MMP16: variants seen among roughly 807,000 people sequenced by gnomAD.
The protein encoded by MMP16 is matrix metalloproteinase-16.
In MMP16, 12 loss-of-function variants were observed where a neutral mutation model predicts 67.8. The ratio of observed to expected loss-of-function variants is 0.18; its 90% CI spans 0.11 to 0.29. MMP16 has a LOEUF of 0.29. Ranked by LOEUF, MMP16 falls within the 10% of genes least tolerant of loss-of-function variation. The pLI, the probability that MMP16 is intolerant of heterozygous loss-of-function variation, is 1.00. For missense variants in MMP16, 475 were observed against 765.7 expected (o/e 0.62, Z 4.48); for synonymous variants, 249 against 255.9 (o/e 0.97, Z 0.26).
At chr8:88,075,473 T>G (rs1267947811) in intron 6 of MMP16, among the ~76,000 whole-genome samples, 1 of 151,826 alleles carries the variant, frequency 6.6e-6, no homozygotes, top group Non-Finnish European at 1.5e-5. Context: ...TAAAGTTGTT[T>G]AATTAATAAT....
At chr8:88,310,682 G>C (rs1408730487) in intron 1 of MMP16, among the ~76,000 whole-genome samples, 1 of 152,164 alleles carries the variant, frequency 6.6e-6, no homozygotes, top group East Asian at 1.9e-4. Context: ...GTGAGAGACA[G>C]CTGTGAATCT....
At chr8:88,304,861 C>T (rs1338513637) in intron 1 of MMP16, among the ~76,000 whole-genome samples, 2 of 152,138 alleles carry the variant, frequency 1.3e-5, no homozygotes. Context: ...GTATATAGAC[C>T]AGTGACACTA....
chr8:88,148,274 T>C (rs774709992), intron 4 of MMP16, among the ~76,000 whole-genome samples: 21 of 152,214 alleles, frequency 1.4e-4, no homozygotes, highest in Non-Finnish European at 2.1e-4. Flanking sequence ...ATATCCTATT[T>C]TAATATTATG....
At chr8:88,133,788 T>C (rs911696463) in intron 4 of MMP16, among the ~76,000 whole-genome samples, 1 of 151,848 alleles carries the variant, frequency 6.6e-6, no homozygotes, top group African/African-American at 2.4e-5. Context: ...TTTTCTCTAA[T>C]TATCATGGTT....
chr8:88,112,187 CTTTT>C (rs60025472), intron 6 of MMP16, among the ~76,000 whole-genome samples: 3 of 141,596 alleles, frequency 2.1e-5, no homozygotes, highest in Non-Finnish European at 1.5e-5. Context: ...GGCAACTATC[CTTTT>C]TTTTTTTTTT....
chr8:88,263,617 T>C (rs1358403045), intron 1 of MMP16, among the ~76,000 whole-genome samples: 1 of 152,182 alleles, frequency 6.6e-6, no homozygotes, highest in Non-Finnish European at 1.5e-5. Context: ...CCTTGGCTTA[T>C]AGAGAGCTAT....
chr8:88,060,104 C>T (rs184899152), intron 7 of MMP16, among the ~76,000 whole-genome samples: 6 of 152,028 alleles, frequency 3.9e-5, no homozygotes, highest in African/African-American at 1.4e-4. Context: ...ACCATAAGTT[C>T]CCCATAAGCT....
intron 1 of MMP16, among the ~76,000 whole-genome samples, chr8:88,199,107 C>T (rs557583049): frequency 6.6e-6 from 1 of 152,116 alleles, no homozygotes; most frequent in African/African-American, 2.4e-5. Context: ...TCATTTCTTA[C>T]TTGCTAGAGA....
intron 3 of MMP16, among the ~76,000 whole-genome samples, chr8:88,170,444 A>G (rs1041831998): frequency 6.6e-6 from 1 of 152,144 alleles, no homozygotes; most frequent in African/African-American, 2.4e-5. Flanking sequence ...AATTTCGTCT[A>G]AATTAATTTT....
rs1264412504 is a variant in MMP16, at chr8:88,108,046, T to C, written c.1083+8461A>G. The stretch of plus-strand genomic sequence containing the variant: ...ATATGTGGGTGGAATATGAAACTTT[T>C]ATCAATAATAAAAAATAGGATAAAG... On this transcript the variant is annotated intron_variant, in intron 6 of 9. Transcript: ENST00000286614. Among the ~76,000 whole-genome samples the C allele has an allele frequency of 4.0e-5, 6 of 151,132 alleles. No homozygotes were observed. In the Admixed American group the frequency reaches 4.0e-4, roughly 10 times the overall value.
chr8:88,079,801 G>A (rs1428542001), intron 6 of MMP16, among the ~76,000 whole-genome samples: 1 of 152,104 alleles, frequency 6.6e-6, no homozygotes. Flanking sequence ...CTAGAGAGCT[G>A]CACTGCCCCC....
intron 1 of MMP16, among the ~76,000 whole-genome samples, chr8:88,219,540 A>T (rs559589121): frequency 1.3e-5 from 2 of 152,202 alleles, no homozygotes; most frequent in African/African-American, 4.8e-5. Flanking sequence ...TTCTATAAGA[A>T]TTTTATTTGA....
intron 4 of MMP16, among the ~76,000 whole-genome samples, chr8:88,150,857 T>C (rs2129644580): frequency 6.8e-6 from 1 of 146,108 alleles, no homozygotes; most frequent in Admixed American, 6.8e-5. Context: ...AATTCACACA[T>C]AACAATATTA....
chr8:88,305,737 A>G (rs190276615), intron 1 of MMP16, among the ~76,000 whole-genome samples: 4 of 152,320 alleles, frequency 2.6e-5, no homozygotes, highest in Non-Finnish European at 5.9e-5. Context: ...CTTTGAAACT[A>G]AACAGAACAA....
chr8:88,101,012 G>T (rs1809134212), intron 6 of MMP16, among the ~76,000 whole-genome samples: 1 of 151,332 alleles, frequency 6.6e-6, no homozygotes, highest in African/African-American at 2.4e-5. Context: ...AGCATTAGGG[G>T]ATATACCTAA....
chr8:88,056,093 A>G (rs1272006220), intron 8 of MMP16, 35 bp downstream of exon 8: 1 of 1,398,556 alleles, frequency 7.2e-7, no homozygotes. Flanking sequence ...ACATTGGTTA[A>G]TTAACTGTTT....
At chr8:88,197,820 G>C (rs1425044515) in intron 1 of MMP16, among the ~76,000 whole-genome samples, 1 of 152,178 alleles carries the variant, frequency 6.6e-6, no homozygotes, top group Non-Finnish European at 1.5e-5. Context: ...CATTTTGGGT[G>C]TAAATTCCAT....
At chr8:88,225,537 G>A (rs1809755620) in intron 1 of MMP16, among the ~76,000 whole-genome samples, 1 of 151,496 alleles carries the variant, frequency 6.6e-6, no homozygotes, top group Non-Finnish European at 1.5e-5. Context: ...ATTATTCATT[G>A]AATAAAAAAT....
intron 1 of MMP16, among the ~76,000 whole-genome samples, chr8:88,294,522 GTA>G (rs149744287): frequency 1.0e-4 from 15 of 150,542 alleles, no homozygotes; most frequent in African/African-American, 2.2e-4. Context: ...ACACACACAT[GTA>G]TATGTCTCTA....
Sources: gnomAD v4.1 joint callset for allele counts (sites outside exome capture counted in the v4.1 genomes callset) on GRCh38, gnomAD v4.1.1 for gene constraint, MANE v1.5 for transcripts, NCBI Gene and HGNC (gene_info 2026-07-23, HGNC 2026-07-21) for gene names.